Variants in SPAG16 observed in about 807,000 individuals in gnomAD.
The protein encoded by SPAG16 is sperm associated antigen 16, also known as sperm-associated antigen 16 protein.
A neutral mutation model predicts 80.4 loss-of-function variants in SPAG16; 86 were observed. That is an observed-to-expected ratio of 1.07 (90% CI 0.90 to 1.28). SPAG16 has a LOEUF of 1.28. Ranked by LOEUF, SPAG16 falls within the 50% of genes most tolerant of loss-of-function variation. SPAG16 has a pLI of 0.00. For synonymous variants in SPAG16, 294 were observed against 265.9 expected (o/e 1.11, Z -1.03); for missense variants, 870 against 765.3 (o/e 1.14, Z -1.61).
At chr2:214,109,967 A>G (rs1320227080) in intron 14 of SPAG16, among the ~76,000 whole-genome samples, 1 of 152,212 alleles carries the variant, frequency 6.6e-6, no homozygotes, top group African/African-American at 2.4e-5. Flanking sequence ...GGCAAGCAAT[A>G]TAATAACTGC....
intron 10 of SPAG16, among the ~76,000 whole-genome samples, chr2:213,683,009 C>T (rs1270763066): frequency 6.6e-6 from 1 of 152,138 alleles, no homozygotes; most frequent in East Asian, 1.9e-4. Context: ...TTAAGTATGG[C>T]ATCTCAACAT....
chr2:214,381,516 C>T (rs2126108681), intron 15 of SPAG16, among the ~76,000 whole-genome samples: 1 of 152,312 alleles, frequency 6.6e-6, no homozygotes, highest in South Asian at 2.1e-4. Context: ...GAGGCTGGAA[C>T]ATCACATTTA....
intron 10 of SPAG16, among the ~76,000 whole-genome samples, chr2:213,594,522 C>T (rs1009231305): frequency 1.2e-4 from 18 of 152,082 alleles, no homozygotes; most frequent in Admixed American, 6.6e-4. Context: ...GGGGTGTGCT[C>T]ACTCTTTTTT....
intron 9 of SPAG16, among the ~76,000 whole-genome samples, chr2:213,425,334 G>A (rs1367363498): frequency 6.6e-6 from 1 of 150,708 alleles, no homozygotes; most frequent in Non-Finnish European, 1.5e-5. Flanking sequence ...AAAAGAATGT[G>A]TGGCAATACT....
At chr2:213,393,473 A>G (rs16850260) in intron 9 of SPAG16, among the ~76,000 whole-genome samples, 3,615 of 151,976 alleles carry the variant, frequency 0.024, 61 homozygotes, top group African/African-American at 0.039. Flanking sequence ...TGTTTCTAAG[A>G]GTCTTTAGTG....
intron 10 of SPAG16, among the ~76,000 whole-genome samples, chr2:213,829,355 G>A (rs1200753872): frequency 3.9e-5 from 6 of 152,088 alleles, no homozygotes; most frequent in African/African-American, 1.4e-4. Flanking sequence ...CGGTAAGCCT[G>A]TGGTGAATGC....
At chr2:214,382,568 T>G (rs1700511787) in intron 15 of SPAG16, among the ~76,000 whole-genome samples, 1 of 152,082 alleles carries the variant, frequency 6.6e-6, no homozygotes, top group South Asian at 2.1e-4. Flanking sequence ...GAAAAGATAA[T>G]AGTGGTGGAG....
At chr2:213,879,382 TGG>T (rs796742764) in intron 11 of SPAG16, among the ~76,000 whole-genome samples, 15 of 151,026 alleles carry the variant, frequency 9.9e-5, no homozygotes, top group South Asian at 2.1e-4. Flanking sequence ...AATATATCCA[TGG>T]GGGTGTGTGT....
chr2:213,444,763 A>G (rs1197098993), intron 9 of SPAG16, among the ~76,000 whole-genome samples: 1 of 152,178 alleles, frequency 6.6e-6, no homozygotes, highest in African/African-American at 2.4e-5. Context: ...TGAAACCACA[A>G]AATACCCAGA....
chr2:213,695,431 A>T (rs1364677815), intron 10 of SPAG16, among the ~76,000 whole-genome samples: 1 of 152,128 alleles, frequency 6.6e-6, no homozygotes, highest in African/African-American at 2.4e-5. Flanking sequence ...TATATTAATC[A>T]CCTAGTTTGT....
chr2:213,694,052 A>G (rs1458331177), intron 10 of SPAG16, among the ~76,000 whole-genome samples: 2 of 151,920 alleles, frequency 1.3e-5, no homozygotes, highest in East Asian at 3.8e-4. Flanking sequence ...CAAAAAAAAA[A>G]AAGAAAAAAG....
intron 10 of SPAG16, among the ~76,000 whole-genome samples, chr2:213,521,503 T>C (rs945462473): frequency 3.9e-5 from 6 of 152,200 alleles, no homozygotes; most frequent in South Asian, 2.1e-4. Flanking sequence ...ATTCTCTTGC[T>C]CCACAATGCC....
intron 13 of SPAG16, among the ~76,000 whole-genome samples, chr2:214,056,753 A>G (rs565372467): frequency 1.3e-5 from 2 of 152,162 alleles, no homozygotes; most frequent in Non-Finnish European, 2.9e-5. Flanking sequence ...GTTTGATAAC[A>G]TTTTACCCAC....
rs73987149 is a variant in SPAG16, at chr2:214,072,439, G to A, written c.1528-35757G>A. ...TAACATCATACCACTCCTACACCCC[G>A]AACAATCCCACCCACCTTGAGTACA... is the stretch of plus-strand genomic sequence containing the variant. On this transcript the variant is annotated intron_variant, in intron 13 of 15. Coordinates refer to ENST00000331683, the MANE Select transcript of SPAG16 (RefSeq NM_024532.5). 9.4e-3 allele frequency among the ~76,000 whole-genome samples: 1,421 copies of A among 151,966 alleles called. 30 individuals carry two copies. The highest frequency in any genetic ancestry group is 0.033 in the African/African-American group (1,347 of 41,432).
intron 15 of SPAG16, among the ~76,000 whole-genome samples, chr2:214,330,281 A>G (rs58525787): frequency 0.03 from 4,534 of 151,708 alleles, 230 homozygotes; most frequent in African/African-American, 0.1. Context: ...CTGTCTCAAA[A>G]AAAAAAAAAG....
At chr2:213,936,399 A>G (rs1417119544) in intron 12 of SPAG16, among the ~76,000 whole-genome samples, 10 of 152,198 alleles carry the variant, frequency 6.6e-5, no homozygotes, top group Non-Finnish European at 1.5e-4. Context: ...AATCTGTTTT[A>G]CACTCTAATA....
chr2:213,586,262 A>G (rs1251562593), intron 10 of SPAG16, among the ~76,000 whole-genome samples: 1 of 152,252 alleles, frequency 6.6e-6, no homozygotes, highest in Non-Finnish European at 1.5e-5. Context: ...TATAAGCAAC[A>G]GAAATTTGTT....
At chr2:213,405,361 T>TAC (rs1436762430) in intron 9 of SPAG16, among the ~76,000 whole-genome samples, 1 of 152,220 alleles carries the variant, frequency 6.6e-6, no homozygotes, top group Non-Finnish European at 1.5e-5. Flanking sequence ...ACATAATAGT[T>TAC]ACACATATAT....
At chr2:213,886,373 C>T (rs905518668) in intron 11 of SPAG16, among the ~76,000 whole-genome samples, 2 of 151,684 alleles carry the variant, frequency 1.3e-5, no homozygotes, top group African/African-American at 4.8e-5. Flanking sequence ...AGAGTGGTGG[C>T]GGGTAGAATG....
Sources: gnomAD v4.1 joint callset for allele counts (sites outside exome capture counted in the v4.1 genomes callset) on GRCh38, gnomAD v4.1.1 for gene constraint, MANE v1.5 for transcripts, NCBI Gene and HGNC (gene_info 2026-07-23, HGNC 2026-07-21) for gene names.